The following NKAIN2 variants were observed in gnomAD, a reference collection of about 807,000 sequenced individuals.
NKAIN2 encodes the protein sodium/potassium-transporting ATPase subunit beta-1-interacting protein 2.
In NKAIN2, 14 loss-of-function variants were observed where a neutral mutation model predicts 32.6. The ratio of observed to expected loss-of-function variants is 0.43; its 90% CI spans 0.28 to 0.67. The LOEUF (loss-of-function observed/expected upper bound fraction) is 0.67. Ranked by LOEUF, NKAIN2 falls within the 30% of genes least tolerant of loss-of-function variation. The pLI, the probability that NKAIN2 is intolerant of heterozygous loss-of-function variation, is 0.17. For synonymous variants in NKAIN2, 80 were observed against 87.2 expected (o/e 0.92, Z 0.46); for missense variants, 198 against 258.3 (o/e 0.77, Z 1.60).
At chr6:124,508,822 G>GCTGCTTC (rs1381365773) in intron 3 of NKAIN2, among the ~76,000 whole-genome samples, 1 of 152,142 alleles carries the variant, frequency 6.6e-6, no homozygotes, top group African/African-American at 2.4e-5. Context: ...CAGCTGTAAA[G>GCTGCTTC]GAAGCTCTGC....
chr6:124,270,795 A>G (rs138328719), intron 1 of NKAIN2, among the ~76,000 whole-genome samples: 120 of 152,328 alleles, frequency 7.9e-4, no homozygotes, highest in African/African-American at 2.8e-3. Flanking sequence ...GTTTGTGTAT[A>G]CTTGCTAAAT....
chr6:124,637,525 A>C (rs531435605), intron 3 of NKAIN2, among the ~76,000 whole-genome samples: 301 of 152,130 alleles, frequency 2.0e-3, no homozygotes, highest in African/African-American at 6.8e-3. Context: ...CTTTAGAAAA[A>C]CCTAAAGATT....
intron 3 of NKAIN2, among the ~76,000 whole-genome samples, chr6:124,634,997 A>G (rs569521248): frequency 7.9e-5 from 12 of 151,894 alleles, no homozygotes; most frequent in Non-Finnish European, 1.6e-4. Context: ...AGAGAGAAAG[A>G]AAAAAGAAAA....
intron 1 of NKAIN2, among the ~76,000 whole-genome samples, chr6:124,024,059 TA>T (rs575487636): frequency 1.1e-4 from 16 of 152,178 alleles, no homozygotes; most frequent in African/African-American, 3.6e-4. Flanking sequence ...TGCAATTGGT[TA>T]AAAAAATGGG....
At chr6:123,928,022 G>A (rs555523731) in intron 1 of NKAIN2, among the ~76,000 whole-genome samples, 7 of 152,046 alleles carry the variant, frequency 4.6e-5, no homozygotes, top group East Asian at 1.9e-4. Context: ...AATGAGTTTC[G>A]GGGGAAACTA....
intron 4 of NKAIN2, among the ~76,000 whole-genome samples, chr6:124,689,180 G>A (rs936758410): frequency 3.3e-5 from 5 of 152,028 alleles, no homozygotes; most frequent in Non-Finnish European, 5.9e-5. Context: ...TGTAAAAAGC[G>A]TGTAGAGCTA....
At chr6:124,287,410 G>C (rs1224655778) in intron 2 of NKAIN2, among the ~76,000 whole-genome samples, 1 of 152,092 alleles carries the variant, frequency 6.6e-6, no homozygotes, top group Non-Finnish European at 1.5e-5. Flanking sequence ...GAGAGTATTG[G>C]TAATGATTTT....
chr6:124,526,172 G>A (rs1186283258), intron 3 of NKAIN2, among the ~76,000 whole-genome samples: 1 of 152,074 alleles, frequency 6.6e-6, no homozygotes, highest in Non-Finnish European at 1.5e-5. Flanking sequence ...ATATGAATGA[G>A]ATCAACAAAA....
intron 1 of NKAIN2, among the ~76,000 whole-genome samples, chr6:123,866,958 A>G (rs1442896595): frequency 6.6e-6 from 1 of 152,144 alleles, no homozygotes; most frequent in African/African-American, 2.4e-5. Flanking sequence ...GTTCTCCCAT[A>G]GTGACTTTAT....
chr6:124,746,567 T>C (rs1165510700), intron 4 of NKAIN2, among the ~76,000 whole-genome samples: 1 of 151,882 alleles, frequency 6.6e-6, no homozygotes, highest in Non-Finnish European at 1.5e-5. Flanking sequence ...ATCTATGAAA[T>C]GAGATCTCAG....
At chr6:124,364,248 AAAAG>A (rs745766028) in intron 3 of NKAIN2, among the ~76,000 whole-genome samples, 4 of 65,282 alleles carry the variant, frequency 6.1e-5, no homozygotes, top group African/African-American at 1.7e-4. Flanking sequence ...AAAAAAAAAA[AAAAG>A]AGAGAAAAGA....
At chr6:124,766,151 A>ATATT (rs1360626435) in intron 4 of NKAIN2, among the ~76,000 whole-genome samples, 1 of 152,192 alleles carries the variant, frequency 6.6e-6, no homozygotes, top group African/African-American at 2.4e-5. Flanking sequence ...AGTTGATTTC[A>ATATT]TATTTTGCAC....
intron 1 of NKAIN2, among the ~76,000 whole-genome samples, chr6:124,089,390 T>C (rs1320243467): frequency 2.0e-5 from 3 of 151,840 alleles, no homozygotes; most frequent in Non-Finnish European, 2.9e-5. Flanking sequence ...ATTGTTCTCT[T>C]CTTTCTTTTG....
intron 1 of NKAIN2, among the ~76,000 whole-genome samples, chr6:124,210,176 G>T (rs546957709): frequency 6.6e-6 from 1 of 151,670 alleles, no homozygotes; most frequent in African/African-American, 2.4e-5. Context: ...AGGATATCCA[G>T]TTTTCCTAGC....
At chr6:124,775,706 G>A (rs1037284205) in intron 4 of NKAIN2, among the ~76,000 whole-genome samples, 8 of 152,126 alleles carry the variant, frequency 5.3e-5, no homozygotes, top group Non-Finnish European at 1.2e-4. Context: ...CATCAAGCTT[G>A]CACTCTACGT....
At chr6:124,501,637 T>G (rs1778296279) in intron 3 of NKAIN2, among the ~76,000 whole-genome samples, 4 of 152,142 alleles carry the variant, frequency 2.6e-5, no homozygotes. Flanking sequence ...ATGACTCCAC[T>G]GCCCACTTAA....
At chr6:123,911,449 C>T (rs1180630415) in intron 1 of NKAIN2, among the ~76,000 whole-genome samples, 1 of 151,926 alleles carries the variant, frequency 6.6e-6, no homozygotes, top group Admixed American at 6.6e-5. Flanking sequence ...GGGGAGCTCT[C>T]AAGGACACTA....
At chr6:124,229,929 G>A (rs1379339724) in intron 1 of NKAIN2, among the ~76,000 whole-genome samples, 4 of 152,114 alleles carry the variant, frequency 2.6e-5, no homozygotes, top group Admixed American at 1.3e-4. Flanking sequence ...CAGTAGGGTG[G>A]GGCATTGCTG....
chr6:124,691,949 C>T (rs2114540400), intron 4 of NKAIN2, among the ~76,000 whole-genome samples: 1 of 152,264 alleles, frequency 6.6e-6, no homozygotes, highest in Admixed American at 6.5e-5. Context: ...TGTCAGTACA[C>T]TGTGATTTCT....
Sources: gnomAD v4.1 joint callset for allele counts (sites outside exome capture counted in the v4.1 genomes callset) on GRCh38, gnomAD v4.1.1 for gene constraint, MANE v1.5 for transcripts, NCBI Gene and HGNC (gene_info 2026-07-23, HGNC 2026-07-21) for gene names.